Variants in N4BP2L2 observed in about 807,000 individuals in gnomAD.
N4BP2L2 encodes the protein NEDD4-binding protein 2-like 2.
In N4BP2L2, 50 loss-of-function variants were observed where a neutral mutation model predicts 56.2. The ratio of observed to expected loss-of-function variants is 0.89; its 90% CI spans 0.71 to 1.13. The LOEUF is 1.13. Among genes scored for constraint, N4BP2L2 ranks in the 50% most tolerant of loss-of-function variants. The pLI is 0.00. For synonymous variants in N4BP2L2, 203 were observed against 223.6 expected (o/e 0.91, Z 0.82); for missense variants, 689 against 693.8 (o/e 0.99, Z 0.08).
intron 6 of N4BP2L2, among the ~76,000 whole-genome samples, chr13:32,463,296 G>C (rs2080533938): frequency 6.6e-6 from 1 of 152,064 alleles, no homozygotes; most frequent in Admixed American, 6.6e-5. Context: ...AAGAAAAGTG[G>C]AGAAGAGCTG....
intron 6 of N4BP2L2, among the ~76,000 whole-genome samples, chr13:32,474,915 AT>A (rs1391570027): frequency 6.6e-6 from 1 of 152,248 alleles, no homozygotes; most frequent in Admixed American, 6.5e-5. Flanking sequence ...TGCATAAAAA[AT>A]GTCTAAAGAC....
chr13:32,444,228 G>A, intron 6 of N4BP2L2: 1 of 855,056 alleles, frequency 1.2e-6, no homozygotes, highest in Non-Finnish European at 1.6e-6. Context: ...AAAACCTTTA[G>A]TACAAGAGAC....
intron 6 of N4BP2L2, among the ~76,000 whole-genome samples, chr13:32,475,461 T>A (rs1245995303): frequency 2.0e-5 from 3 of 152,306 alleles, no homozygotes; most frequent in East Asian, 3.9e-4. Flanking sequence ...TATAGTCCAG[T>A]TTGAGGAGGC....
At chr13:32,482,474 A>T (rs892145293) in intron 6 of N4BP2L2, among the ~76,000 whole-genome samples, 1 of 150,918 alleles carries the variant, frequency 6.6e-6, no homozygotes, top group Admixed American at 6.6e-5. Flanking sequence ...TGATCCTCCC[A>T]CTTCAGCCTC....
intron 5 of N4BP2L2, among the ~76,000 whole-genome samples, chr13:32,519,710 C>T (rs1448331430): frequency 6.6e-6 from 1 of 151,540 alleles, no homozygotes; most frequent in African/African-American, 2.4e-5. Flanking sequence ...AGCAGTAGAC[C>T]CTGTCTCAAA....
downstream of N4BP2L2, chr13:32,509,156 T>C (rs1370664573): frequency 6.6e-6 from 1 of 152,112 alleles, no homozygotes; most frequent in Non-Finnish European, 1.5e-5. Flanking sequence ...ATACAACTGA[T>C]TCATGCTCCA....
At chr13:32,517,399 T>TCGG in exon 6 of N4BP2L2, 1 of 995,508 alleles carries the variant, frequency 1.0e-6, no homozygotes, top group Non-Finnish European at 1.2e-6. Context: ...TCAGTATTTC[T>TCGG]TGCATATTTA....
At chr13:32,521,510 G>A in intron 4 of N4BP2L2, 61 bp from the exon 5 acceptor site, 5 of 1,166,758 alleles carry the variant, frequency 4.3e-6, no homozygotes, top group Non-Finnish European at 6.3e-6. Flanking sequence ...GTAAAAAGAA[G>A]GCAGACAGTT....
intron 5 of N4BP2L2, among the ~76,000 whole-genome samples, chr13:32,518,331 C>T (rs1478747438): frequency 6.6e-6 from 1 of 151,864 alleles, no homozygotes; most frequent in Non-Finnish European, 1.5e-5. Context: ...TTAAGAATTA[C>T]AGAAAGATTG....
intron 3 of N4BP2L2, chr13:32,524,024 A>G (rs944967728): frequency 6.6e-6 from 1 of 152,254 alleles, no homozygotes; most frequent in African/African-American, 2.4e-5. Context: ...AATTCAAACC[A>G]CTAAGTTCAA....
At chr13:32,458,442 A>T (rs1453928803) in intron 6 of N4BP2L2, among the ~76,000 whole-genome samples, 1 of 152,214 alleles carries the variant, frequency 6.6e-6, no homozygotes, top group Non-Finnish European at 1.5e-5. Flanking sequence ...ATACAGACTG[A>T]AAGTAAAGGA....
exon 7 of N4BP2L2, chr13:32,442,421 C>T: frequency 1.9e-6 from 3 of 1,601,940 alleles, no homozygotes; most frequent in Non-Finnish European, 2.6e-6. Context: ...AAAAGCTTTA[C>T]TAATTGAAAG....
chr13:32,474,927 T>G (rs533831127), intron 6 of N4BP2L2, among the ~76,000 whole-genome samples: 4 of 152,356 alleles, frequency 2.6e-5, no homozygotes, highest in African/African-American at 4.8e-5. Context: ...GTCTAAAGAC[T>G]GAATACCTGT....
rs113704224 is a variant in N4BP2L2, at chr13:32,487,339, G to T, written c.365+30518C>A. Among the ~76,000 whole-genome samples, 833 of 151,956 alleles carry T rather than the reference G, an allele frequency of 5.5e-3. 7 individuals carry two copies. Among genetic ancestry groups the T allele is most frequent in the African/African-American group, 0.019 (779 of 41,426 alleles). ...AAAAGTACAAAAATTATCTGGGCAT[G>T]GTGGCATGTACCTGTGGTCTCAGCT... On this transcript the variant is annotated intron_variant, in intron 6 of 9. Transcript: ENST00000357505.
chr13:32,484,781 G>A (rs558399307), intron 6 of N4BP2L2, among the ~76,000 whole-genome samples: 25 of 152,242 alleles, frequency 1.6e-4, no homozygotes, highest in Admixed American at 1.5e-3. Flanking sequence ...CACCATGCCC[G>A]GCTGTAATTC....
intron 6 of N4BP2L2, among the ~76,000 whole-genome samples, chr13:32,461,103 C>A (rs527959815): frequency 6.6e-6 from 1 of 152,122 alleles, no homozygotes; most frequent in Non-Finnish European, 1.5e-5. Flanking sequence ...AGTCAAATCT[C>A]ACCATATACA....
At chr13:32,508,454 A>C (rs560136072), downstream of N4BP2L2, 1 of 152,308 alleles carries the variant, frequency 6.6e-6, no homozygotes, top group African/African-American at 2.4e-5. Flanking sequence ...TTCAGAGCAC[A>C]GGTGAAGGCA....
chr13:32,444,203 T>C, intron 6 of N4BP2L2: 2 of 1,126,062 alleles, frequency 1.8e-6, no homozygotes, highest in Non-Finnish European at 2.4e-6. Flanking sequence ...ATCATACTCT[T>C]CATGTGCAGG....
At chr13:32,454,850 A>G (rs561436293) in intron 6 of N4BP2L2, among the ~76,000 whole-genome samples, 93 of 152,336 alleles carry the variant, frequency 6.1e-4, no homozygotes, top group African/African-American at 2.0e-3. Flanking sequence ...AATTATAGGA[A>G]ACACCTAAGG....
Sources: gnomAD v4.1 joint callset for allele counts (sites outside exome capture counted in the v4.1 genomes callset) on GRCh38, gnomAD v4.1.1 for gene constraint, MANE v1.5 for transcripts, NCBI Gene and HGNC (gene_info 2026-07-23, HGNC 2026-07-21) for gene names.